The following TPO variants were observed in gnomAD, a reference collection of about 807,000 sequenced individuals.
TPO encodes thyroid peroxidase, also known as thyroid microsomal antigen.
Under a neutral mutation model 96.9 loss-of-function variants are expected in TPO, and 78 were observed. That is an observed-to-expected ratio of 0.81 (90% CI 0.67 to 0.97). The LOEUF is 0.97. Ranked by LOEUF, TPO falls within the 50% of genes least tolerant of loss-of-function variation. The pLI, the probability that TPO is intolerant of heterozygous loss-of-function variation, is 0.00. For missense variants in TPO, 1,252 were observed against 1,274.8 expected (o/e 0.98, Z 0.27); for synonymous variants, 547 against 538.0 (o/e 1.02, Z -0.23).
chr2:1,389,327 T>C (rs1366142450), intron 1 of TPO, among the ~76,000 whole-genome samples: 2 of 152,182 alleles, frequency 1.3e-5, no homozygotes, highest in Non-Finnish European at 2.9e-5. Flanking sequence ...AGGACATTCA[T>C]TGAACAAACA....
At chr2:1,499,210 GTGCCCTCTGACCTTCCGCC>G (rs1483248688) in intron 13 of TPO, among the ~76,000 whole-genome samples, 134 of 152,044 alleles carry the variant, frequency 8.8e-4, no homozygotes, top group South Asian at 1.0e-3. Context: ...CCCTGTGCGC[GTGCCCTCTGACCTTCCGCC>G]TGCCCTCTGA....
At chr2:1,537,491 A>C (rs56356829) in intron 15 of TPO, among the ~76,000 whole-genome samples, 3,151 of 47,846 alleles carry the variant, frequency 0.066, no homozygotes, top group African/African-American at 0.11. Flanking sequence ...CACTCTGTGC[A>C]GCCTCCCCAA....
intron 7 of TPO, among the ~76,000 whole-genome samples, chr2:1,465,289 T>C (rs888714633): frequency 6.6e-6 from 1 of 152,222 alleles, no homozygotes; most frequent in African/African-American, 2.4e-5. Flanking sequence ...CTATGCTGTT[T>C]TGGTGACTAT....
intron 3 of TPO, among the ~76,000 whole-genome samples, chr2:1,424,261 G>C (rs1048406966): frequency 6.6e-6 from 1 of 151,842 alleles, no homozygotes; most frequent in African/African-American, 2.4e-5. Context: ...ATTATTATCA[G>C]TAGGACGGAA....
intron 7 of TPO, among the ~76,000 whole-genome samples, chr2:1,472,318 G>T (rs1669500083): frequency 6.6e-6 from 1 of 151,982 alleles, no homozygotes; most frequent in Non-Finnish European, 1.5e-5. Flanking sequence ...TGATCCAAAT[G>T]CTCATGGTGT....
chr2:1,470,527 A>G (rs1272746583), intron 7 of TPO, among the ~76,000 whole-genome samples: 1 of 149,086 alleles, frequency 6.7e-6, no homozygotes, highest in Non-Finnish European at 1.5e-5. Flanking sequence ...TGGTATATAT[A>G]ATAATATATA....
intron 5 of TPO, among the ~76,000 whole-genome samples, chr2:1,437,404 T>C (rs1291664959): frequency 4.6e-5 from 7 of 151,986 alleles, no homozygotes; most frequent in Admixed American, 4.6e-4. Context: ...TCAAAGGGAC[T>C]CGAGCTCCTC....
At chr2:1,526,819 A>ATGCAACCTCCCCAAATCCTCCCCACTCTG (rs1558411260) in intron 15 of TPO, among the ~76,000 whole-genome samples, 5 of 26,988 alleles carry the variant, frequency 1.9e-4, no homozygotes, top group African/African-American at 6.7e-4. Context: ...CCCCCAATCT[A>ATGCAACCTCCCCAAATCCTCCCCACTCTG]TGCAACCTCC....
At chr2:1,412,518 T>C (rs1188304120), upstream of TPO, among the ~76,000 whole-genome samples, 1 of 152,148 alleles carries the variant, frequency 6.6e-6, no homozygotes, top group African/African-American at 2.4e-5. Context: ...GTGATGAGGA[T>C]TGAGGGGAGA....
intron 7 of TPO, among the ~76,000 whole-genome samples, chr2:1,462,930 T>C (rs1341559956): frequency 2.6e-5 from 4 of 152,218 alleles, no homozygotes; most frequent in Admixed American, 2.0e-4. Context: ...ATTATGGAAA[T>C]GGTAAAATGT....
At chr2:1,411,128 G>A (rs939562166), upstream of TPO, among the ~76,000 whole-genome samples, 2 of 152,050 alleles carry the variant, frequency 1.3e-5, no homozygotes, top group African/African-American at 4.8e-5. Context: ...CTGCAAACCC[G>A]CCATTCTCAG....
At chr2:1,452,297 T>C (rs1667378870) in intron 5 of TPO, among the ~76,000 whole-genome samples, 1 of 152,228 alleles carries the variant, frequency 6.6e-6, no homozygotes, top group African/African-American at 2.4e-5. Flanking sequence ...ATTGATGAGA[T>C]GGGTGGAGTT....
intron 15 of TPO, among the ~76,000 whole-genome samples, chr2:1,527,064 C>T (rs1294285715): frequency 1.5e-5 from 2 of 134,932 alleles, no homozygotes; most frequent in Admixed American, 1.5e-4. Flanking sequence ...CTCCTCAAAT[C>T]CCCTCACTGT....
At chr2:1,480,326 T>C (rs2148685558) in intron 8 of TPO, among the ~76,000 whole-genome samples, 1 of 152,270 alleles carries the variant, frequency 6.6e-6, no homozygotes, top group Admixed American at 6.5e-5. Context: ...ATAAGTTGTG[T>C]TTAACGTGTC....
At chr2:1,502,658 G>C (rs1672991616) in intron 13 of TPO, among the ~76,000 whole-genome samples, 3 of 152,096 alleles carry the variant, frequency 2.0e-5, no homozygotes, top group African/African-American at 7.2e-5. Flanking sequence ...CCAAAGTGCT[G>C]GGATTACAGG....
chr2:1,471,507 A>G (rs1363945710), intron 7 of TPO, among the ~76,000 whole-genome samples: 4 of 151,888 alleles, frequency 2.6e-5, no homozygotes, highest in Non-Finnish European at 5.9e-5. Context: ...TTTTAATTCA[A>G]ATAAGAATTT....
At chr2:1,503,763 C>A in intron 13 of TPO, 185 bp from the exon 14 acceptor site, 1 of 1,097,642 alleles carries the variant, frequency 9.1e-7, no homozygotes, top group Non-Finnish European at 1.4e-6. Flanking sequence ...GCACATCTGT[C>A]TGCTCCTCAT....
chr2:1,441,089 C>T (rs776048343), intron 5 of TPO, among the ~76,000 whole-genome samples: 6 of 151,852 alleles, frequency 4.0e-5, no homozygotes, highest in Non-Finnish European at 7.4e-5. Context: ...CTAGTCATTG[C>T]TGCAGGAGCT....
chr2:1,452,680 T>G (rs1247146610), intron 5 of TPO, among the ~76,000 whole-genome samples: 1 of 152,252 alleles, frequency 6.6e-6, no homozygotes, highest in Non-Finnish European at 1.5e-5. Context: ...TAAAATGATT[T>G]TTATTCATGT....
Sources: allele counts gnomAD v4.1 joint callset (sites outside exome capture counted in the v4.1 genomes callset), GRCh38; gene constraint gnomAD v4.1.1; transcripts MANE v1.5; gene names NCBI Gene and HGNC (gene_info 2026-07-23, HGNC 2026-07-21).